ERCC6L2: variants seen among roughly 807,000 people sequenced by gnomAD.
ERCC6L2 encodes the protein ERCC excision repair 6 like 2.
A neutral mutation model predicts 132.0 loss-of-function variants in ERCC6L2; 77 were observed. The observed-to-expected ratio is 0.58, with a 90% CI of 0.49 to 0.71. The LOEUF (loss-of-function observed/expected upper bound fraction) is 0.71. ERCC6L2 is among the 30% of genes least tolerant of loss of function. The pLI is 0.00. For synonymous variants in ERCC6L2, 583 were observed against 632.4 expected (o/e 0.92, Z 1.17); for missense variants, 1,542 against 1,837.6 (o/e 0.84, Z 2.94).
intron 11 of ERCC6L2, among the ~76,000 whole-genome samples, chr9:95,932,102 A>C: frequency 6.8e-6 from 1 of 147,966 alleles, no homozygotes. Flanking sequence ...ACAGTGTCTC[A>C]CTCTGTGGCC....
intron 6 of ERCC6L2, among the ~76,000 whole-genome samples, chr9:95,918,929 G>A (rs868639885): frequency 1.3e-4 from 19 of 151,802 alleles, no homozygotes; most frequent in African/African-American, 3.4e-4. Context: ...GTGCAGTGGC[G>A]TGATCTTGGC....
At chr9:96,022,105 T>C (rs1261733408), downstream of ERCC6L2, among the ~76,000 whole-genome samples, 3 of 152,192 alleles carry the variant, frequency 2.0e-5, no homozygotes, top group African/African-American at 4.8e-5. Context: ...TACCAAGTCC[T>C]AGAGAGAATT....
At chr9:96,021,124 TC>T, downstream of ERCC6L2, 2 of 393,606 alleles carry the variant, frequency 5.1e-6, no homozygotes, top group Non-Finnish European at 1.0e-5. The surrounding 1 kb of genome is among the most constrained non-coding windows in gnomAD (Gnocchi z 4.7). Context: ...CTCTCAGGCG[TC>T]CCGGGGAACC....
chr9:96,037,411 A>G (rs1049453161), intron 19 of ERCC6L2, among the ~76,000 whole-genome samples: 11 of 152,258 alleles, frequency 7.2e-5, no homozygotes, highest in Admixed American at 2.0e-4. Context: ...GGAGGGTGAC[A>G]GAGGCAACAG....
At chr9:95,926,914 T>C (rs930477403) in intron 9 of ERCC6L2, among the ~76,000 whole-genome samples, 2 of 151,772 alleles carry the variant, frequency 1.3e-5, no homozygotes, top group African/African-American at 4.8e-5. Context: ...GTGGAGGAGG[T>C]TGGAAGTAGG....
At chr9:95,909,438 T>G (rs548721187) in intron 4 of ERCC6L2, among the ~76,000 whole-genome samples, 57 of 152,300 alleles carry the variant, frequency 3.7e-4, no homozygotes, top group Admixed American at 9.2e-4. Flanking sequence ...GGACTTTTCT[T>G]TTACCTCTTT....
At chr9:95,963,283 T>G (rs73536517) in intron 13 of ERCC6L2, among the ~76,000 whole-genome samples, 22,904 of 151,914 alleles carry the variant, frequency 0.15, 1,862 homozygotes, top group South Asian at 0.23. Flanking sequence ...GCTGACATTT[T>G]ACACACTTGC....
chr9:96,027,452 G>A (rs1345944550), intron 19 of ERCC6L2, among the ~76,000 whole-genome samples: 1 of 152,188 alleles, frequency 6.6e-6, no homozygotes, highest in Admixed American at 6.5e-5. Context: ...GGGGCAGCCC[G>A]GCGCGGGAGA....
At position 96,040,160 on chromosome 9, in the gene ERCC6L2, C is replaced by G. The variant is rs550388058; in HGVS notation, c.*1755+1033C>G. 1.6e-4 allele frequency among the ~76,000 whole-genome samples: 25 copies of G among 152,180 alleles called. No individual in the cohort carries two copies. The South Asian group carries it at 4.4e-3, about 27-fold the overall frequency. ...CCAAGAAACACAGTCCTGCCCCCCCCCAAGCACCCCCACAATAGCTCTTTA... is the reference window on the plus strand; with the variant it reads ...CCAAGAAACACAGTCCTGCCCCCCCGCAAGCACCCCCACAATAGCTCTTTA... On this transcript the variant is annotated intron_variant and NMD_transcript_variant, in intron 20 of 20. Coordinates refer to the ERCC6L2 transcript ENST00000670016.
At chr9:95,983,659 G>A (rs1273581010) in intron 17 of ERCC6L2, among the ~76,000 whole-genome samples, 4 of 152,114 alleles carry the variant, frequency 2.6e-5, no homozygotes, top group African/African-American at 9.7e-5. Context: ...CTATTGCCTT[G>A]TCATCTGAAA....
intron 2 of ERCC6L2, among the ~76,000 whole-genome samples, chr9:95,894,115 A>G (rs1828315427): frequency 6.6e-6 from 1 of 152,204 alleles, no homozygotes; most frequent in Admixed American, 6.5e-5. Flanking sequence ...TTACGTTAGC[A>G]TATAGTTGGG....
intron 2 of ERCC6L2, among the ~76,000 whole-genome samples, chr9:95,882,822 C>T (rs1430063016): frequency 2.0e-5 from 3 of 152,136 alleles, no homozygotes; most frequent in East Asian, 1.9e-4. Context: ...GCACACTGGA[C>T]GTGCTAAATG....
At chr9:95,955,822 T>C in intron 12 of ERCC6L2, 92 bp from the exon 13 acceptor site, 1 of 589,656 alleles carries the variant, frequency 1.7e-6, no homozygotes, top group Non-Finnish European at 2.9e-6. Context: ...AATTAAAAAT[T>C]TAATGATTTT....
At chr9:96,029,327 A>AC (rs1588068101) in intron 19 of ERCC6L2, among the ~76,000 whole-genome samples, 2 of 150,580 alleles carry the variant, frequency 1.3e-5, no homozygotes, top group South Asian at 2.1e-4. Flanking sequence ...AAAAAAACAA[A>AC]AAAAAAATTA....
intron 11 of ERCC6L2, among the ~76,000 whole-genome samples, chr9:95,934,880 G>T (rs1329377606): frequency 6.6e-6 from 1 of 152,088 alleles, no homozygotes; most frequent in Non-Finnish European, 1.5e-5. Flanking sequence ...CCAAAACACT[G>T]TCAACTTTCC....
intron 12 of ERCC6L2, among the ~76,000 whole-genome samples, chr9:95,950,688 G>T (rs1831289654): frequency 6.6e-6 from 1 of 152,138 alleles, no homozygotes; most frequent in Non-Finnish European, 1.5e-5. Flanking sequence ...GAACAGGAAT[G>T]GTTGTATTAA....
chr9:95,987,545 A>T lies in ERCC6L2; in HGVS notation c.3492+9330A>T, dbSNP rs534606214. Among the ~76,000 whole-genome samples the T allele has an allele frequency of 3.9e-5, 6 of 152,298 alleles. No homozygotes were observed. The South Asian group carries it at 1.2e-3, about 32-fold the overall frequency. On this transcript the variant is annotated intron_variant, in intron 17 of 18. Coordinates refer to ENST00000653738, the MANE Select transcript of ERCC6L2 (RefSeq NM_020207.7). ...ACTTCATGTCCCAACATCCAGGTCAAACTGATACAAGAGGTGGGTTCCCAT... is the reference window on the plus strand; with the variant it reads ...ACTTCATGTCCCAACATCCAGGTCATACTGATACAAGAGGTGGGTTCCCAT...
intron 16 of ERCC6L2, among the ~76,000 whole-genome samples, chr9:95,976,210 C>T (rs951080092): frequency 3.9e-5 from 6 of 152,130 alleles, no homozygotes; most frequent in Non-Finnish European, 7.4e-5. Flanking sequence ...TCCTCTCGCT[C>T]TCTCTCCCTT....
At chr9:96,020,594 G>A, downstream of ERCC6L2, 1 of 366,686 alleles carries the variant, frequency 2.7e-6, no homozygotes. Context: ...GTCTCAAGAA[G>A]CTTAGAATGT....
Sources: allele counts gnomAD v4.1 joint callset (sites outside exome capture counted in the v4.1 genomes callset), GRCh38; gene constraint gnomAD v4.1.1; non-coding constraint Gnocchi (gnomAD v3.1); transcripts MANE v1.5; gene names NCBI Gene and HGNC (gene_info 2026-07-23, HGNC 2026-07-21).